Variants in PID1 observed in about 807,000 individuals in gnomAD.
The protein encoded by PID1 is phosphotyrosine interaction domain containing 1, also known as PTB-containing, cubilin and LRP1-interacting protein.
PID1 carries 10 observed loss-of-function variants against 19.1 expected under a neutral mutation model. The observed-to-expected ratio is 0.52, with a 90% CI of 0.32 to 0.89. PID1 has a LOEUF of 0.89. Among genes scored for constraint, PID1 ranks in the 40% least tolerant of loss-of-function variants. The pLI, the probability that PID1 is intolerant of heterozygous loss-of-function variation, is 0.03. For missense variants in PID1, 248 were observed against 285.3 expected, an observed-to-expected ratio of 0.87 and a Z score of 0.94; for synonymous variants, 130 against 116.0, an observed-to-expected ratio of 1.12 and a Z score of -0.78.
chr2:229,188,055 C>A (rs1238006177), intron 1 of PID1, among the ~76,000 whole-genome samples: 2 of 152,184 alleles, frequency 1.3e-5, no homozygotes, highest in Admixed American at 6.5e-5. Flanking sequence ...TAGTTACCCT[C>A]ATCAATTCTG....
intron 1 of PID1, among the ~76,000 whole-genome samples, chr2:229,193,606 C>T (rs1180858057): frequency 6.6e-6 from 1 of 152,030 alleles, no homozygotes; most frequent in Non-Finnish European, 1.5e-5. Context: ...TGAGTCAAGT[C>T]CCTAAGATAT....
intron 1 of PID1, among the ~76,000 whole-genome samples, chr2:229,236,943 T>G (rs1196459902): frequency 6.6e-6 from 1 of 151,384 alleles, no homozygotes; most frequent in African/African-American, 2.4e-5. Context: ...CAGGGTAGTG[T>G]GTCCCGCAAA....
chr2:229,169,803 A>G (rs570294625), intron 1 of PID1, among the ~76,000 whole-genome samples: 1 of 152,320 alleles, frequency 6.6e-6, no homozygotes, highest in South Asian at 2.1e-4. Flanking sequence ...TCTGTAGGAA[A>G]AACTACCCAG....
At chr2:229,076,557 C>G (rs1694562274) in intron 2 of PID1, among the ~76,000 whole-genome samples, 1 of 152,074 alleles carries the variant, frequency 6.6e-6, no homozygotes, top group Non-Finnish European at 1.5e-5. Context: ...TCCCACCCCC[C>G]AACAGGCCCC....
intron 2 of PID1, among the ~76,000 whole-genome samples, chr2:229,063,525 C>CTTGTT (rs1694257540): frequency 6.6e-6 from 1 of 152,140 alleles, no homozygotes; most frequent in Admixed American, 6.6e-5. Context: ...TTTATTGAAA[C>CTTGTT]TTGTTTTGTG....
At chr2:229,057,891 G>A (rs898597968) in intron 2 of PID1, among the ~76,000 whole-genome samples, 2 of 152,160 alleles carry the variant, frequency 1.3e-5, no homozygotes, top group African/African-American at 2.4e-5. Context: ...CAGAAGATAC[G>A]TAAAATCAGT....
At chr2:229,098,028 A>G (rs1695004278) in intron 2 of PID1, among the ~76,000 whole-genome samples, 2 of 152,168 alleles carry the variant, frequency 1.3e-5, no homozygotes, top group Non-Finnish European at 2.9e-5. Flanking sequence ...GTCCAACAAA[A>G]GTTTTGTTCA....
intron 1 of PID1, among the ~76,000 whole-genome samples, chr2:229,180,809 C>T (rs1264494382): frequency 6.6e-6 from 1 of 152,260 alleles, no homozygotes; most frequent in Admixed American, 6.5e-5. Context: ...GGATCTGAAC[C>T]CGACTCCCTT....
At chr2:229,225,770 G>A (rs1008219855) in intron 1 of PID1, among the ~76,000 whole-genome samples, 1 of 152,140 alleles carries the variant, frequency 6.6e-6, no homozygotes, top group Non-Finnish European at 1.5e-5. Context: ...TCTTCGCATG[G>A]TGACAGCAAG....
intron 2 of PID1, among the ~76,000 whole-genome samples, chr2:229,106,796 C>T (rs1394936239): frequency 6.6e-6 from 1 of 152,144 alleles, no homozygotes; most frequent in Non-Finnish European, 1.5e-5. Flanking sequence ...GACTCAGACA[C>T]CAGTCTTGAT....
At chr2:229,134,286 G>A (rs2106171373) in intron 2 of PID1, among the ~76,000 whole-genome samples, 1 of 142,276 alleles carries the variant, frequency 7.0e-6, no homozygotes, top group East Asian at 2.1e-4. Flanking sequence ...CCAGGCTGGA[G>A]TGCAGTGGTG....
intron 1 of PID1, among the ~76,000 whole-genome samples, chr2:229,191,498 C>T (rs1479032595): frequency 1.3e-5 from 2 of 152,302 alleles, no homozygotes; most frequent in Middle Eastern, 3.4e-3. Context: ...TGAAGTGATA[C>T]ATCCATCAGT....
In PID1 at chr2:229,202,915, G is replaced by A. The variant is rs1691529688; in HGVS notation, c.31-46951C>T. 2.6e-5 allele frequency among the ~76,000 whole-genome samples: 4 copies of A among 151,904 alleles called. No individual in the cohort carries two copies. In the South Asian group the frequency reaches 8.3e-4, roughly 32 times the overall value. On this transcript the variant is annotated intron_variant, in intron 1 of 2. Transcript: ENST00000392055. ...AACAGTGATTCATAAATTCTTTTTG[G>A]ATTTCAGGCCTCTTTAGAAATCTAA...
At chr2:229,053,776 T>C (rs968503235) in intron 2 of PID1, among the ~76,000 whole-genome samples, 1 of 152,234 alleles carries the variant, frequency 6.6e-6, no homozygotes, top group Non-Finnish European at 1.5e-5. Flanking sequence ...AAATATCAAA[T>C]GATTTTCTGC....
intron 2 of PID1, among the ~76,000 whole-genome samples, chr2:229,113,977 A>G (rs749158607): frequency 3.3e-5 from 5 of 152,176 alleles, no homozygotes; most frequent in Non-Finnish European, 5.9e-5. Flanking sequence ...AGTCTCACCC[A>G]GGCAGCTGAA....
intron 2 of PID1, among the ~76,000 whole-genome samples, chr2:229,061,525 G>T (rs1575874): frequency 0.1 from 15,262 of 151,926 alleles, 1,266 homozygotes; most frequent in Admixed American, 0.19. Context: ...AATAGATTTT[G>T]AAGTCAGATA....
chr2:229,191,256 C>G (rs1691254902), intron 1 of PID1, among the ~76,000 whole-genome samples: 1 of 152,054 alleles, frequency 6.6e-6, no homozygotes, highest in Non-Finnish European at 1.5e-5. Flanking sequence ...CAAATCGCCA[C>G]CGATGGAGAA....
At chr2:229,198,395 C>T (rs963172909) in intron 1 of PID1, among the ~76,000 whole-genome samples, 3 of 152,064 alleles carry the variant, frequency 2.0e-5, no homozygotes, top group Admixed American at 6.6e-5. Context: ...TCTGCCCACA[C>T]TCTCTCCTGA....
At chr2:229,104,846 T>G (rs10211653) in intron 2 of PID1, among the ~76,000 whole-genome samples, 57,127 of 152,128 alleles carry the variant, frequency 0.38, 11,874 homozygotes, top group Middle Eastern at 0.52. Flanking sequence ...ACATCCCACC[T>G]GGCACATAAG....
Sources: gnomAD v4.1 joint callset for allele counts (sites outside exome capture counted in the v4.1 genomes callset) on GRCh38, gnomAD v4.1.1 for gene constraint, MANE v1.5 for transcripts, NCBI Gene and HGNC (gene_info 2026-07-23, HGNC 2026-07-21) for gene names.